The following GAK variants were observed in gnomAD, a reference collection of about 807,000 sequenced individuals.
GAK encodes the protein cyclin-G-associated kinase.
In GAK, 79 loss-of-function variants were observed where a neutral mutation model predicts 143.9. The observed-to-expected ratio is 0.55, with a 90% CI of 0.46 to 0.66. The LOEUF is 0.66. Among genes scored for constraint, GAK ranks in the 30% least tolerant of loss-of-function variants. The pLI is 0.00. For synonymous variants in GAK, 881 were observed against 765.5 expected (o/e 1.15, Z -2.49); for missense variants, 1,693 against 1,779.7 (o/e 0.95, Z 0.88).
intron 10 of GAK, among the ~76,000 whole-genome samples, chr4:889,402 C>T (rs183723648): frequency 1.2e-4 from 18 of 152,214 alleles, no homozygotes; most frequent in African/African-American, 3.9e-4. Flanking sequence ...GTGGGTCCTG[C>T]GAGTGAGGTC....
At chr4:921,121 G>A (rs1426180911) in intron 1 of GAK, among the ~76,000 whole-genome samples, 1 of 147,972 alleles carries the variant, frequency 6.8e-6, no homozygotes, top group Non-Finnish European at 1.5e-5. Context: ...TTTTTTTTTT[G>A]AGACGGAGTC....
chr4:849,833 G>GGGGCCCCCCCCCCCC, intron 27 of GAK, 59 bp from the exon 28 acceptor site: 2 of 1,190,156 alleles, frequency 1.7e-6, no homozygotes, highest in Non-Finnish European at 2.3e-6. Context: ...GGCGGGGCAG[G>GGGGCCCCCCCCCCCC]ACCCCCCCCC....
intron 5 of GAK, among the ~76,000 whole-genome samples, chr4:900,054 G>C (rs1451158122): frequency 6.6e-6 from 1 of 152,262 alleles, no homozygotes; most frequent in Non-Finnish European, 1.5e-5. Flanking sequence ...ACCCTGGCTC[G>C]GATGCAGAGC....
intron 27 of GAK, 59 bp from the exon 28 acceptor site, chr4:849,833 G>GCCCC: frequency 8.4e-7 from 1 of 1,190,154 alleles, no homozygotes; most frequent in Non-Finnish European, 1.2e-6. Context: ...GGCGGGGCAG[G>GCCCC]ACCCCCCCCC....
chr4:856,686 C>T (rs979532544), intron 24 of GAK, among the ~76,000 whole-genome samples: 1 of 151,872 alleles, frequency 6.6e-6, no homozygotes, highest in African/African-American at 2.4e-5. Context: ...CACACCTGCT[C>T]ACCACAGCTG....
At position 903,035 on chromosome 4, in the gene GAK, G is replaced by A. The variant is rs1019005755; in HGVS notation, c.525+1602C>T. 1.2e-4 allele frequency among the ~76,000 whole-genome samples: 18 copies of A among 152,352 alleles called. 3 individuals are homozygous for A. Among genetic ancestry groups the A allele is most frequent in the Admixed American group, 1.3e-4 (2 of 15,314 alleles). On this transcript the variant is annotated intron_variant, in intron 5 of 27. Coordinates refer to ENST00000314167, the MANE Select transcript of GAK (RefSeq NM_005255.4). ...CAGCTCAGGGCATGGACAGCCCACG[G>A]GGCAGGAGTGTCCTCTGTGGGGCTG...
chr4:884,583 C>T (rs979511881), intron 11 of GAK, among the ~76,000 whole-genome samples: 4 of 152,238 alleles, frequency 2.6e-5, no homozygotes, highest in Non-Finnish European at 4.4e-5. Context: ...TGCCTAGAAG[C>T]CCCTGCTGTG....
intron 5 of GAK, among the ~76,000 whole-genome samples, chr4:902,605 A>AAAACAAAAAAC (rs1553889065): frequency 7.7e-6 from 1 of 130,310 alleles, no homozygotes; most frequent in African/African-American, 2.8e-5. Context: ...TCAAAAAAAA[A>AAAACAAAAAAC]AAAAAAAAAC....
At position 911,773 on chromosome 4, in the gene GAK, G is replaced by A; in HGVS notation, c.282C>T (p.Gly94=). 1 of 1,613,878 alleles carries A rather than the reference G, an allele frequency of 6.2e-7. No homozygotes were observed. Among genetic ancestry groups the A allele is most frequent in the Non-Finnish European group, 8.5e-7 (1 of 1,179,812 alleles). Reference sequence around the variant, plus strand: ...AACAAAACTGGACAATGTTCGGGTGGCCGGAAAGCTTTTTCTGCAGTTGTC... The same window carrying A: ...AACAAAACTGGACAATGTTCGGGTGACCGGAAAGCTTTTTCTGCAGTTGTC... The part of the protein sequence containing the change: ...QEVCFMKKLS[G]HPNIVQFCSA... The change falls in exon 4 of 28, where the codon GGC becomes GGT. Residue 94 remains glycine (G), a synonymous_variant. Coordinates refer to ENST00000314167, the MANE Select transcript of GAK (RefSeq NM_005255.4).
intron 5 of GAK, among the ~76,000 whole-genome samples, chr4:899,708 G>A (rs1364251688): frequency 6.6e-6 from 1 of 152,232 alleles, no homozygotes; most frequent in Non-Finnish European, 1.5e-5. Context: ...GAGTGCAAGG[G>A]GACGCCCAGG....
In GAK at chr4:896,349, G is replaced by C. The variant is rs951371401; in HGVS notation, c.741+111C>G. The C allele has an allele frequency of 1.7e-5, 13 of 758,986 alleles. No individual in the cohort carries two copies. The East Asian group carries it at 1.8e-4, about 10-fold the overall frequency. The allele number at this position is 758,986 out of a possible 1,614,324, so 47.0% of individuals were successfully genotyped here. ...AGAAAAGGGGACGGGAGGGGAAGAG[G>C]GGGTGGAGGAGGCAGGCCAGTTCCG... On this transcript the variant is annotated intron_variant, in intron 7 of 27. Transcript: ENST00000314167.
chr4:907,357 G>A (rs1464999054), intron 4 of GAK, among the ~76,000 whole-genome samples: 1 of 152,180 alleles, frequency 6.6e-6, no homozygotes, highest in Non-Finnish European at 1.5e-5. Context: ...CTGACCCTCT[G>A]AGAAACAGGG....
At chr4:880,714 C>CAAGG (rs1714928699) in intron 15 of GAK, among the ~76,000 whole-genome samples, 1 of 152,200 alleles carries the variant, frequency 6.6e-6, no homozygotes, top group Non-Finnish European at 1.5e-5. Flanking sequence ...CCTGACTCTC[C>CAAGG]TTAGATTCTG....
chr4:902,399 G>A (rs1720037930), intron 5 of GAK, among the ~76,000 whole-genome samples: 1 of 151,752 alleles, frequency 6.6e-6, no homozygotes, highest in Admixed American at 6.6e-5. Context: ...GAGCTCAGGA[G>A]TTCTGGACCA....
intron 15 of GAK, among the ~76,000 whole-genome samples, chr4:878,820 C>T (rs565951788): frequency 2.0e-5 from 3 of 152,306 alleles, no homozygotes; most frequent in East Asian, 1.9e-4. Context: ...CCTCCCACCT[C>T]GTGGCACCCA....
In GAK at chr4:883,968, C is replaced by T. The variant is rs993722762; in HGVS notation, c.1255+69G>A. On this transcript the variant is annotated intron_variant, in intron 12 of 27. Coordinates refer to ENST00000314167, the MANE Select transcript of GAK (RefSeq NM_005255.4). ...GCAGAGGCACCTGTGCCCTGACACACAACAGGGACTCACTGGGCACACAGG... is the reference window on the plus strand; with the variant it reads ...GCAGAGGCACCTGTGCCCTGACACATAACAGGGACTCACTGGGCACACAGG... The T allele has an allele frequency of 4.2e-6, 6 of 1,414,058 alleles. No homozygotes were observed. In the African/African-American group the frequency reaches 7.1e-5, roughly 17 times the overall value. 87.6% of individuals were successfully genotyped at this position (1,414,058 alleles called of 1,614,324 possible).
chr4:903,688 G>C lies in GAK; in HGVS notation c.525+949C>G, dbSNP rs952707213. ...GGTGAGCAGGAGTGCGGGGCCTATA[G>C]TGACACCACCGGGGGGCGGTGGGGG... is the stretch of plus-strand genomic sequence containing the variant. On this transcript the variant is annotated intron_variant, in intron 5 of 27. Transcript: ENST00000314167. Among the ~76,000 whole-genome samples, 774 of 125,756 alleles carry C rather than the reference G, an allele frequency of 6.2e-3. 1 individual carries two copies. Among genetic ancestry groups the C allele is most frequent in the African/African-American group, 0.016 (488 of 31,098 alleles). 82.5% of individuals were successfully genotyped at this position (125,756 alleles called of 152,430 possible). A position where few individuals can be genotyped will look rare whatever the true frequency, so the allele number is the denominator to read the frequency against.
chr4:895,013 A>AT, intron 7 of GAK, among the ~76,000 whole-genome samples: 1 of 66,694 alleles, frequency 1.5e-5, no homozygotes. Flanking sequence ...AAATAAATAA[A>AT]TAAAGGTTCC....
chr4:926,010 G>T (rs934018239), intron 1 of GAK, among the ~76,000 whole-genome samples: 5 of 151,942 alleles, frequency 3.3e-5, no homozygotes, highest in African/African-American at 1.2e-4. Context: ...AGCCCACCCG[G>T]GGGTCGTCCC....
Sources: allele counts gnomAD v4.1 joint callset (sites outside exome capture counted in the v4.1 genomes callset), GRCh38; gene constraint gnomAD v4.1.1; transcripts MANE v1.5; gene names NCBI Gene and HGNC (gene_info 2026-07-23, HGNC 2026-07-21).